Variants in GLI3 observed in about 807,000 individuals in gnomAD.
The protein encoded by GLI3 is transcription activator GLI3.
A neutral mutation model predicts 100.8 loss-of-function variants in GLI3; 20 were observed. That is an observed-to-expected ratio of 0.20 (90% CI 0.14 to 0.29). The LOEUF is 0.29. GLI3 is among the 10% of genes least tolerant of loss of function. The pLI is 1.00. For synonymous variants in GLI3, 938 were observed against 860.5 expected (o/e 1.09, Z -1.58); for missense variants, 2,040 against 2,128.5 (o/e 0.96, Z 0.82).
chr7:42,246,609 C>T (rs962030572), intron 1 of GLI3, among the ~76,000 whole-genome samples: 1 of 128,664 alleles, frequency 7.8e-6, no homozygotes, highest in Non-Finnish European at 1.6e-5. Flanking sequence ...ACTGTACATA[C>T]AGAAAAACAA....
intron 2 of GLI3, among the ~76,000 whole-genome samples, chr7:42,159,668 G>A (rs1195452844): frequency 1.3e-5 from 2 of 152,086 alleles, no homozygotes. Context: ...TTTAATGATG[G>A]GGTATGCAAT....
At chr7:42,246,805 CTTTTTTTTTTTTTTT>C (rs71006467) in intron 1 of GLI3, among the ~76,000 whole-genome samples, 21 of 94,972 alleles carry the variant, frequency 2.2e-4, no homozygotes, top group African/African-American at 7.8e-4. Flanking sequence ...ATGATAGAAT[CTTTTTTTTTTTTTTT>C]TTTTTTTTTT....
At chr7:42,223,394 G>C (rs1788526405) in intron 1 of GLI3, 99 bp from the exon 2 acceptor site, 1 of 684,104 alleles carries the variant, frequency 1.5e-6, no homozygotes. Context: ...AAAGCCTAGA[G>C]CTTTAGGAAA....
chr7:42,036,936 G>A (rs1789456703), intron 7 of GLI3, among the ~76,000 whole-genome samples: 1 of 152,104 alleles, frequency 6.6e-6, no homozygotes, highest in African/African-American at 2.4e-5. Flanking sequence ...GAGTTCAGGA[G>A]TTCGAGACCA....
chr7:42,077,834 A>C (rs1249047869), intron 3 of GLI3, among the ~76,000 whole-genome samples: 1 of 152,208 alleles, frequency 6.6e-6, no homozygotes, highest in African/African-American at 2.4e-5. Flanking sequence ...AGTTTCAAGA[A>C]GCAAAATGAA....
At chr7:42,190,571 A>T (rs78171951) in intron 2 of GLI3, among the ~76,000 whole-genome samples, 2,853 of 152,274 alleles carry the variant, frequency 0.019, 87 homozygotes, top group African/African-American at 0.065. Context: ...CCAGACTCAG[A>T]CCCTGGTAGC....
At chr7:42,087,608 C>CT (rs963712053) in intron 3 of GLI3, among the ~76,000 whole-genome samples, 11 of 152,110 alleles carry the variant, frequency 7.2e-5, no homozygotes, top group African/African-American at 2.7e-4. Flanking sequence ...GATCAGGCTG[C>CT]TAACACCCAT....
chr7:41,967,526 CT>C (rs1787217553), intron 14 of GLI3, 69 bp downstream of exon 14: 1 of 1,053,834 alleles, frequency 9.5e-7, no homozygotes, highest in Non-Finnish European at 1.5e-6. Flanking sequence ...AAACATAAAA[CT>C]GAGGGCCTGC....
chr7:42,010,288 G>A (rs1788575662), intron 10 of GLI3, among the ~76,000 whole-genome samples: 1 of 152,224 alleles, frequency 6.6e-6, no homozygotes, highest in African/African-American at 2.4e-5. Flanking sequence ...TCCATGTGAG[G>A]CTGCGGCTTA....
intron 10 of GLI3, among the ~76,000 whole-genome samples, chr7:42,017,548 G>C (rs1395161436): frequency 6.6e-6 from 1 of 152,104 alleles, no homozygotes; most frequent in Non-Finnish European, 1.5e-5. Flanking sequence ...CAGTACTCCT[G>C]GTGGCTGCCA....
chr7:42,218,655 GT>G, intron 2 of GLI3, among the ~76,000 whole-genome samples: 1 of 152,028 alleles, frequency 6.6e-6, no homozygotes. Context: ...CCAAATTCTT[GT>G]TTTTGAAAGA....
intron 12 of GLI3, among the ~76,000 whole-genome samples, chr7:41,973,644 TAAGC>T (rs1281254643): frequency 6.6e-6 from 1 of 152,212 alleles, no homozygotes; most frequent in East Asian, 1.9e-4. Context: ...AGCTTTTACG[TAAGC>T]AAGCGTCATG....
chr7:41,990,718 G>A (rs1036294090), intron 10 of GLI3, among the ~76,000 whole-genome samples: 1 of 152,326 alleles, frequency 6.6e-6, no homozygotes, highest in African/African-American at 2.4e-5. Flanking sequence ...AGGTAGAGAA[G>A]TGTTTTTGGT....
intron 2 of GLI3, among the ~76,000 whole-genome samples, chr7:42,173,259 A>G (rs1787413262): frequency 3.9e-5 from 6 of 152,156 alleles, no homozygotes. Flanking sequence ...AATCAGTTGA[A>G]ATGCCTAACA....
At chr7:42,096,955 C>G (rs1006761562) in intron 3 of GLI3, among the ~76,000 whole-genome samples, 2 of 152,216 alleles carry the variant, frequency 1.3e-5, no homozygotes, top group Admixed American at 1.3e-4. Flanking sequence ...TGCGGTTGCT[C>G]TGCGGCCAGC....
Position 41,964,793 on chromosome 7 carries a change from C to A in GLI3, c.4280G>T (p.Gly1427Val). 1 of 1,613,744 alleles carries A rather than the reference C, an allele frequency of 6.2e-7. No individual in the cohort carries two copies. Among genetic ancestry groups the A allele is most frequent in the Non-Finnish European group, 8.5e-7 (1 of 1,179,738 alleles). The change falls in exon 15 of 15, where the codon GGG (glycine) becomes GTG (valine). Residue 1427 changes from glycine to valine, a missense_variant. Gly to Val is a moderately radical substitution (Grantham distance 109). Coordinates refer to ENST00000395925, the MANE Select transcript of GLI3 (RefSeq NM_000168.6). ...ATTAGAGCACAGCGGATGGGGCTGC[C>A]CTTTCATCTCCATCTTGATACCATT... ...RVNGIKMEMK[G>V]QPHPLCSNLQ...
At chr7:41,969,273 CA>C (rs1292793430) in intron 13 of GLI3, among the ~76,000 whole-genome samples, 4 of 152,306 alleles carry the variant, frequency 2.6e-5, no homozygotes, top group African/African-American at 9.6e-5. Context: ...GCGCCTTCAC[CA>C]GTGTTACTAT....
chr7:42,052,109 G>A (rs963185972), intron 4 of GLI3, among the ~76,000 whole-genome samples: 5 of 152,122 alleles, frequency 3.3e-5, no homozygotes, highest in African/African-American at 7.2e-5. Flanking sequence ...CTTTTACTTC[G>A]TAATATGCAT....
intron 1 of GLI3, among the ~76,000 whole-genome samples, chr7:42,245,411 T>C (rs2128709589): frequency 6.6e-6 from 1 of 152,312 alleles, no homozygotes; most frequent in Non-Finnish European, 1.5e-5. Flanking sequence ...ATCTACCTTC[T>C]CATGCCTGTA....
Sources: gnomAD v4.1 joint callset for allele counts (sites outside exome capture counted in the v4.1 genomes callset) on GRCh38, gnomAD v4.1.1 for gene constraint, MANE v1.5 for transcripts, NCBI Gene and HGNC (gene_info 2026-07-23, HGNC 2026-07-21) for gene names.